Variants in DST observed in about 807,000 individuals in gnomAD.
DST encodes the protein dystonin.
Under a neutral mutation model 875.2 loss-of-function variants are expected in DST, and 253 were observed. That is an observed-to-expected ratio of 0.29 (90% confidence interval 0.26 to 0.32). DST has a LOEUF of 0.32. Among genes scored for constraint, DST ranks in the 10% least tolerant of loss-of-function variants. DST has a pLI of 1.00. For synonymous variants in DST, 3,124 were observed against 3,197.1 expected (o/e 0.98, Z 0.77); for missense variants, 8,287 against 9,111.6 (o/e 0.91, Z 3.68).
chr6:56,774,155 C>G (rs1171418152), intron 4 of DST, among the ~76,000 whole-genome samples: 1 of 151,002 alleles, frequency 6.6e-6, no homozygotes, highest in South Asian at 2.1e-4. Context: ...GATCTTGATT[C>G]CCCTGCTCAA....
At chr6:56,934,214 C>A (rs183350302) in intron 2 of DST, among the ~76,000 whole-genome samples, 1 of 151,928 alleles carries the variant, frequency 6.6e-6, no homozygotes, top group East Asian at 1.9e-4. Flanking sequence ...CAAACAGGGA[C>A]ACTTTTTAAG....
At chr6:56,774,602 T>C (rs1269506153) in intron 4 of DST, among the ~76,000 whole-genome samples, 1 of 152,224 alleles carries the variant, frequency 6.6e-6, no homozygotes, top group Non-Finnish European at 1.5e-5. Context: ...TGATGAAATA[T>C]GCTATCTACA....
chr6:56,717,222 T>TAAATAAGC (rs1256889061), intron 5 of DST, among the ~76,000 whole-genome samples: 1 of 148,742 alleles, frequency 6.7e-6, no homozygotes, highest in African/African-American at 2.6e-5. Flanking sequence ...AATAAATAAA[T>TAAATAAGC]AAGCATGCAA....
At chr6:56,932,073 C>G (rs578238631) in intron 2 of DST, among the ~76,000 whole-genome samples, 1 of 152,204 alleles carries the variant, frequency 6.6e-6, no homozygotes, top group African/African-American at 2.4e-5. Flanking sequence ...CTCTGTGTCC[C>G]CACCCGAATC....
chr6:56,746,432 G>C (rs1310754302), intron 4 of DST, among the ~76,000 whole-genome samples: 1 of 152,096 alleles, frequency 6.6e-6, no homozygotes, highest in African/African-American at 2.4e-5. Context: ...CAAAATATTT[G>C]AAACAATTTA....
chr6:56,583,386 A>C (rs2098068042), intron 49 of DST, among the ~76,000 whole-genome samples: 1 of 152,120 alleles, frequency 6.6e-6, no homozygotes, highest in African/African-American at 2.4e-5. Flanking sequence ...TGGCTGCATA[A>C]ATGTCTTCTT....
chr6:56,729,986 G>A (rs867924725), intron 5 of DST, among the ~76,000 whole-genome samples: 1 of 152,098 alleles, frequency 6.6e-6, no homozygotes, highest in Non-Finnish European at 1.5e-5. Context: ...TCCAACAATG[G>A]CATCCAGGGC....
In DST at chr6:56,639,979, T is replaced by C; in HGVS notation, c.2569A>G (p.Arg857Gly). The C allele has an allele frequency of 1.9e-6, 3 of 1,613,796 alleles. No individual in the cohort carries two copies. The highest frequency in any genetic ancestry group is 2.5e-6 in the Non-Finnish European group (3 of 1,179,758). ...SHLENHKNVH[R>G]AIEEFESSLK... is the part of the protein sequence containing the mutation. ...CTAGATTCAAATTCTTCAATAGCTCTATGAACATTTTTATGATTTTCTAAA... is the reference window on the plus strand; with the variant it reads ...CTAGATTCAAATTCTTCAATAGCTCCATGAACATTTTTATGATTTTCTAAA... The change falls in exon 19 of 104, where the codon AGA becomes GGA. Residue 857 changes from arginine to glycine, a missense_variant. By Grantham distance (125) the Arg-to-Gly change is moderately radical. Transcript: ENST00000680361.
intron 62 of DST, among the ~76,000 whole-genome samples, chr6:56,535,836 T>C (rs1315237317): frequency 6.6e-6 from 1 of 152,058 alleles, no homozygotes; most frequent in Non-Finnish European, 1.5e-5. Flanking sequence ...GTAAATGGAG[T>C]CTCTGTGTCC....
chr6:56,816,816 ATT>A (rs35624872), intron 4 of DST, among the ~76,000 whole-genome samples: 8 of 144,526 alleles, frequency 5.5e-5, no homozygotes, highest in South Asian at 2.2e-4. Flanking sequence ...AAATAGGCTG[ATT>A]TTTTTTTTTT....
chr6:56,603,124 C>T (rs1292811520), intron 42 of DST, 81 bp downstream of exon 42: 1 of 1,545,990 alleles, frequency 6.5e-7, no homozygotes, highest in Admixed American at 1.9e-5. Context: ...CACTCTAAAA[C>T]TAAAATACTC....
intron 15 of DST, among the ~76,000 whole-genome samples, chr6:56,645,120 T>G (rs2098934776): frequency 6.6e-6 from 1 of 152,186 alleles, no homozygotes; most frequent in African/African-American, 2.4e-5. Context: ...CTTTATAAAT[T>G]ACCCAGTCTC....
At chr6:56,518,383 T>C (rs2096635310) in intron 69 of DST, among the ~76,000 whole-genome samples, 1 of 151,952 alleles carries the variant, frequency 6.6e-6, no homozygotes, top group Non-Finnish European at 1.5e-5. Flanking sequence ...GAAAGATTTG[T>C]AAAAAAAATG....
At chr6:56,864,848 AT>A (rs1773156851) in intron 3 of DST, among the ~76,000 whole-genome samples, 1 of 152,220 alleles carries the variant, frequency 6.6e-6, no homozygotes, top group Non-Finnish European at 1.5e-5. Context: ...CTTGAAAAAA[AT>A]ATCTACCTCC....
rs2096970850 is a variant in DST, at chr6:56,535,111, G to T, written c.16941+11C>A. 6.2e-7 allele frequency: 1 copy of T among 1,610,842 alleles called. No individual in the cohort carries two copies. Among genetic ancestry groups the T allele is most frequent in the African/African-American group, 1.3e-5 (1 of 74,706 alleles). On this transcript the variant is annotated intron_variant, in intron 63 of 103. Transcript: ENST00000680361. The stretch of plus-strand genomic sequence containing the variant: ...AATATGAAACGCAATACAAAAGCAT[G>T]ACTAACTTACCTTTTGTTCTTGTAT...
intron 61 of DST, among the ~76,000 whole-genome samples, chr6:56,537,962 T>C (rs2097045178): frequency 6.6e-5 from 10 of 152,134 alleles, no homozygotes; most frequent in Admixed American, 6.5e-4. Context: ...TAACAGATAA[T>C]ACTGGGAGTA....
At chr6:56,667,175 G>T (rs375105040) in intron 10 of DST, among the ~76,000 whole-genome samples, 1 of 152,236 alleles carries the variant, frequency 6.6e-6, no homozygotes, top group African/African-American at 2.4e-5. Flanking sequence ...TTCCCAAAGT[G>T]CTGGGATTAT....
At chr6:56,504,516 A>C (rs1372973265) in intron 77 of DST, among the ~76,000 whole-genome samples, 2 of 152,232 alleles carry the variant, frequency 1.3e-5, no homozygotes, top group East Asian at 3.9e-4. Flanking sequence ...ACTTAGGCAA[A>C]ATATTTGACT....
chr6:56,597,634 C>T, intron 47 of DST, 106 bp downstream of exon 47: 2 of 1,183,984 alleles, frequency 1.7e-6, no homozygotes, highest in Non-Finnish European at 2.3e-6. Flanking sequence ...CAGAAAAAAA[C>T]CTCTTTTGTC....
Sources: gnomAD v4.1 joint callset for allele counts (sites outside exome capture counted in the v4.1 genomes callset) on GRCh38, gnomAD v4.1.1 for gene constraint, MANE v1.5 for transcripts, NCBI Gene and HGNC (gene_info 2026-07-23, HGNC 2026-07-21) for gene names.